Variants in MYH9 observed in about 807,000 individuals in gnomAD.
The protein encoded by MYH9 is myosin heavy chain 9.
Under a neutral mutation model 241.9 loss-of-function variants are expected in MYH9, and 29 were observed. That is an observed-to-expected ratio of 0.12 (90% confidence interval 0.09 to 0.16). The LOEUF is 0.16. Ranked by LOEUF, MYH9 falls within the 10% of genes least tolerant of loss-of-function variation. The pLI is 1.00. For missense variants in MYH9, 1,803 were observed against 2,595.5 expected (o/e 0.69, Z 6.63); for synonymous variants, 1,047 against 1,062.6 (o/e 0.99, Z 0.29).
Position 36,285,734 on chromosome 22 carries a change from T to C in MYH9, c.5198A>G (p.Gln1733Arg). 1.2e-6 allele frequency: 2 copies of C among 1,612,782 alleles called. No homozygotes were observed. The highest frequency in any genetic ancestry group is 1.7e-6 in the Non-Finnish European group (2 of 1,179,746). Reference protein sequence around the residue: ...EKRRLEARIAQLEEELEEEQG... With the variant: ...EKRRLEARIARLEEELEEEQG... ...CTCCTCCTCCAGCTCCTCCTCCAGCTGGGCGATGCGGGCCTCCAGACGCCG... is the reference window on the plus strand; with the variant it reads ...CTCCTCCTCCAGCTCCTCCTCCAGCCGGGCGATGCGGGCCTCCAGACGCCG... Residue 1733 changes from glutamine to arginine, a missense_variant, in exon 37 of 41, where the codon CAG becomes CGG. Coordinates refer to ENST00000216181, the MANE Select transcript of MYH9 (RefSeq NM_002473.6). The surrounding 1 kb of genome is among the most constrained non-coding windows in gnomAD (Gnocchi z 7.0).
At chr22:36,289,342 AGCAGG>A in intron 31 of MYH9, 45 bp from the exon 32 acceptor site, 2 of 1,558,276 alleles carry the variant, frequency 1.3e-6, no homozygotes, top group Non-Finnish European at 1.7e-6. Flanking sequence ...TACGGCCCCC[AGCAGG>A]GCAGGGCAGC....
chr22:36,285,264 C>T lies in MYH9; in HGVS notation c.5340G>A (p.Arg1780=). ...RSHAQKNENA[R]QQLERQNKEL... is the part of the protein sequence containing the mutation. ...CCTTGTTCTGGCGTTCCAGCTGCTG[C>T]CGAGCATTCTCGTTCTTCTGGGCGT... Residue 1780 remains arginine (R), a synonymous_variant, in exon 38 of 41, where the codon CGG becomes CGA. Transcript: ENST00000216181. This position sits in a 1 kb window ranked among gnomAD's most constrained non-coding sequence, Gnocchi z 7.0. 6.2e-7 allele frequency: 1 copy of T among 1,614,090 alleles called. No homozygotes were observed. Among genetic ancestry groups the T allele is most frequent in the Non-Finnish European group, 8.5e-7 (1 of 1,180,028 alleles).
At position 36,306,666 on chromosome 22, in the gene MYH9, A is replaced by T; in HGVS notation, c.1844-59T>A. The T allele has an allele frequency of 6.6e-7, 1 of 1,507,838 alleles. No individual in the cohort carries two copies. Among genetic ancestry groups the T allele is most frequent in the Non-Finnish European group, 9.1e-7 (1 of 1,102,486 alleles). 93.4% of individuals were successfully genotyped at this position (1,507,838 alleles called of 1,614,324 possible). On this transcript the variant is annotated intron_variant, in intron 15 of 40. Transcript: ENST00000216181. This position sits in a 1 kb window ranked among gnomAD's most constrained non-coding sequence, Gnocchi z 4.1. Reference sequence around the variant, plus strand: ...CACAGTTGCAGCTGGGTGGTGGGGGAGCACGTAGGAGAGAGAGACAGGCAC... The same window carrying T: ...CACAGTTGCAGCTGGGTGGTGGGGGTGCACGTAGGAGAGAGAGACAGGCAC...
chr22:36,332,326 G>C (rs1026396337), intron 3 of MYH9, among the ~76,000 whole-genome samples: 8 of 152,224 alleles, frequency 5.3e-5, no homozygotes, highest in Admixed American at 2.0e-4. Context: ...TATTAGCAGA[G>C]GCTGCAGATC....
chr22:36,285,233 T>C lies in MYH9; in HGVS notation c.5371A>G (p.Lys1791Glu). 2 of 1,614,206 alleles carry C rather than the reference T, an allele frequency of 1.2e-6. No homozygotes were observed. The highest frequency in any genetic ancestry group is 1.1e-5 in the South Asian group (1 of 91,088). Residue 1791 changes from lysine to glutamate, a missense_variant, in exon 38 of 41, where the codon AAG (lysine) becomes GAG (glutamate). Physicochemically the swap from Lys to Glu is moderately conservative, Grantham distance 56. Around this residue, in one of 11 missense-constraint regions of MYH9, gnomAD observed 876 missense variants for 1,077.8 expected, o/e 0.81. Coordinates refer to ENST00000216181, the MANE Select transcript of MYH9 (RefSeq NM_002473.6). The surrounding 1 kb of genome is among the most constrained non-coding windows in gnomAD (Gnocchi z 7.0). Reference sequence around the variant, plus strand: ...CCCTCCATCTCCTGCAGCTTGACCTTAAGCTCCTTGTTCTGGCGTTCCAGC... The same window carrying C: ...CCCTCCATCTCCTGCAGCTTGACCTCAAGCTCCTTGTTCTGGCGTTCCAGC... ...QQLERQNKELKVKLQEMEGTV... is the reference protein window; with the variant it reads ...QQLERQNKELEVKLQEMEGTV...
chr22:36,288,133 A>G lies in MYH9; in HGVS notation c.4932+119T>C, dbSNP rs1297017292. ...TGAGATGGGGCTGGAAGCACCCAGG[A>G]CCTTCCCAGGAGGTGCCACCCTGCC... On this transcript the variant is annotated intron_variant, in intron 34 of 40. Transcript: ENST00000216181. This position sits in a 1 kb window ranked among gnomAD's most constrained non-coding sequence, Gnocchi z 4.8. 31 of 1,239,906 alleles carry G rather than the reference A, an allele frequency of 2.5e-5. No homozygotes were observed. Among genetic ancestry groups the G allele is most frequent in the Non-Finnish European group, 3.1e-5 (27 of 860,690 alleles). 76.8% of individuals were successfully genotyped at this position (1,239,906 alleles called of 1,614,324 possible).
intron 14 of MYH9, among the ~76,000 whole-genome samples, chr22:36,310,441 G>A (rs1429303866): frequency 1.3e-5 from 2 of 152,214 alleles, no homozygotes; most frequent in African/African-American, 2.4e-5. Context: ...AATACAGCAT[G>A]ACATCTTCAT....
rs761427754 is a variant in MYH9, at chr22:36,285,167, C to G, written c.5437G>C (p.Glu1813Gln). 4.3e-6 allele frequency: 7 copies of G among 1,614,030 alleles called. No homozygotes were observed. The highest frequency in any genetic ancestry group is 2.2e-5 in the East Asian group (1 of 44,888). The change falls in exon 38 of 41, where the codon GAG becomes CAG. Residue 1813 changes from glutamate (E) to glutamine (Q), a missense_variant. By Grantham distance (29) the Glu-to-Gln change is conservative. Transcript: ENST00000216181. The surrounding 1 kb of genome is among the most constrained non-coding windows in gnomAD (Gnocchi z 7.0). ...SKYKASITALEAKIAQLEEQL... is the reference protein window; with the variant it reads ...SKYKASITALQAKIAQLEEQL... The stretch of plus-strand genomic sequence containing the variant: ...TCCTCCAGCTGTGCAATCTTGGCCT[C>G]GAGGGCGGTGATGGAGGCCTTGTAC...
intron 1 of MYH9, among the ~76,000 whole-genome samples, chr22:36,371,000 A>G (rs1225777911): frequency 6.6e-6 from 1 of 152,136 alleles, no homozygotes; most frequent in Non-Finnish European, 1.5e-5. Flanking sequence ...ACAGATACAG[A>G]AACTGGAGCT....
intron 31 of MYH9, 119 bp downstream of exon 31, chr22:36,291,867 G>A (rs923429635): frequency 2.6e-5 from 38 of 1,480,998 alleles, no homozygotes; most frequent in East Asian, 9.4e-5. Context: ...CACTGGCCCC[G>A]CACGGCCCCT....
chr22:36,321,435 C>T (rs999934016), intron 7 of MYH9, among the ~76,000 whole-genome samples: 1 of 152,238 alleles, frequency 6.6e-6, no homozygotes, highest in Non-Finnish European at 1.5e-5. Flanking sequence ...GGAACAAGAA[C>T]ATTCCCACAA....
At position 36,296,829 on chromosome 22, in the gene MYH9, G is replaced by GGCGGGGTCCTC; in HGVS notation, c.3272+3_3272+13dup. 6.3e-7 allele frequency: 1 copy of GGCGGGGTCCTC among 1,599,362 alleles called. No individual in the cohort carries two copies. The highest frequency in any genetic ancestry group is 1.3e-5 in the African/African-American group (1 of 74,810). On this transcript the variant is annotated intron_variant, in intron 25 of 40. Transcript: ENST00000216181. ...CAGGCCACCTGGCCTCAGGCGGGCA[G>GGCGGGGTCCTC]GCGGGGTCCTCACCTGGCCAGGGCG...
intron 1 of MYH9, among the ~76,000 whole-genome samples, chr22:36,382,601 G>A (rs1385138039): frequency 4.6e-5 from 7 of 152,062 alleles, no homozygotes; most frequent in South Asian, 2.1e-4. Context: ...TCGGAAGTTC[G>A]AGACCAGCCT....
intron 13 of MYH9, among the ~76,000 whole-genome samples, chr22:36,313,375 C>T (rs964974976): frequency 4.7e-5 from 7 of 148,802 alleles, no homozygotes; most frequent in African/African-American, 1.7e-4. Context: ...TGGCATGAAC[C>T]CGGAAGGCGG....
chr22:36,298,787 G>T, intron 24 of MYH9, 132 bp downstream of exon 24: 2 of 1,377,654 alleles, frequency 1.5e-6, no homozygotes, highest in Non-Finnish European at 2.0e-6. Context: ...GCAGCAGCCA[G>T]TGCTGTAGTG....
chr22:36,363,409 G>A lies in MYH9; in HGVS notation c.-19-14154C>T, dbSNP rs527627674. On this transcript the variant is annotated intron_variant, in intron 1 of 40. Transcript: ENST00000216181. Reference sequence around the variant, plus strand: ...GCTTGCAAGTATTTTCTGGGAACCTGGCAGTCCAAGAGAATGACCACTCCA... The same window carrying A: ...GCTTGCAAGTATTTTCTGGGAACCTAGCAGTCCAAGAGAATGACCACTCCA... Among the ~76,000 whole-genome samples, 4 of 152,270 alleles carry A rather than the reference G, an allele frequency of 2.6e-5. No homozygotes were observed. In the East Asian group the frequency reaches 7.7e-4, roughly 29 times the overall value.
chr22:36,365,756 C>T (rs1387398364), intron 1 of MYH9, among the ~76,000 whole-genome samples: 2 of 152,148 alleles, frequency 1.3e-5, no homozygotes, highest in African/African-American at 2.4e-5. Flanking sequence ...CCACCGCACC[C>T]GGCCTTTTTT....
intron 1 of MYH9, among the ~76,000 whole-genome samples, chr22:36,372,873 G>C (rs1247779710): frequency 6.6e-6 from 1 of 152,166 alleles, no homozygotes; most frequent in African/African-American, 2.4e-5. Flanking sequence ...CTTGAGTGGG[G>C]AGCCGGGGTT....
At chr22:36,299,606 G>T (rs1362154233) in intron 23 of MYH9, among the ~76,000 whole-genome samples, 1 of 152,154 alleles carries the variant, frequency 6.6e-6, no homozygotes, top group African/African-American at 2.4e-5. Context: ...CAGCCTTTGG[G>T]GCTCCCATGT....
Sources: gnomAD v4.1 joint callset for allele counts (sites outside exome capture counted in the v4.1 genomes callset) on GRCh38, gnomAD v4.1.1 for gene constraint, gnomAD v4.1.1 regional missense constraint, Gnocchi (gnomAD v3.1) non-coding constraint, MANE v1.5 for transcripts, NCBI Gene and HGNC (gene_info 2026-07-23, HGNC 2026-07-21) for gene names.